The following PES1 variants were observed in gnomAD, a reference collection of about 807,000 sequenced individuals.
The protein encoded by PES1 is pescadillo ribosomal biogenesis factor 1, also known as pescadillo homolog.
A neutral mutation model predicts 77.1 loss-of-function variants in PES1; 31 were observed. The ratio of observed to expected loss-of-function variants is 0.40; its 90% CI spans 0.30 to 0.54. The LOEUF (loss-of-function observed/expected upper bound fraction) is 0.54. Ranked by LOEUF, PES1 falls within the 20% of genes least tolerant of loss-of-function variation. PES1 has a pLI of 0.45. For missense variants in PES1, 658 were observed against 771.7 expected, an observed-to-expected ratio of 0.85 and a Z score of 1.75; for synonymous variants, 282 against 303.0, an observed-to-expected ratio of 0.93 and a Z score of 0.72.
chr22:30,604,537 G>A (rs1418260521), intron 2 of PES1, among the ~76,000 whole-genome samples: 3 of 152,136 alleles, frequency 2.0e-5, no homozygotes, highest in Non-Finnish European at 2.9e-5. Flanking sequence ...AGAGGTTGAG[G>A]CAGGAGAATC....
chr22:30,593,439 A>G (rs543605651), upstream of PES1, among the ~76,000 whole-genome samples: 27 of 152,076 alleles, frequency 1.8e-4, no homozygotes, highest in South Asian at 5.0e-3. Context: ...GTGAGCCAAG[A>G]TTGTGCCACT....
intron 12 of PES1, 120 bp downstream of exon 12, chr22:30,579,631 T>G: frequency 1.1e-6 from 1 of 926,324 alleles, no homozygotes; most frequent in Non-Finnish European, 1.7e-6. Flanking sequence ...ATTCTACAGG[T>G]GACTTCAAAG....
At chr22:30,606,404 G>GT (rs1052941546) in intron 1 of PES1, among the ~76,000 whole-genome samples, 2 of 151,912 alleles carry the variant, frequency 1.3e-5, no homozygotes, top group African/African-American at 4.8e-5. Flanking sequence ...CTAATTTATG[G>GT]TTTTTTGTAT....
chr22:30,605,417 G>A (rs2087424039), intron 2 of PES1: 1 of 980,384 alleles, frequency 1.0e-6, no homozygotes, highest in Non-Finnish European at 1.2e-6. Context: ...TAACTACCTT[G>A]GGGATCAGAA....
upstream of PES1, chr22:30,591,945 GTGCGGGC>G: frequency 6.9e-7 from 1 of 1,448,782 alleles, no homozygotes; most frequent in Non-Finnish European, 9.1e-7. Context: ...CTGTCTGTTT[GTGCGGGC>G]TGCCCAATGA....
chr22:30,578,390 A>G (rs1328073497), intron 14 of PES1, among the ~76,000 whole-genome samples: 1 of 152,202 alleles, frequency 6.6e-6, no homozygotes, highest in Non-Finnish European at 1.5e-5. Context: ...CTCTATTCCA[A>G]GGGCAGGGCT....
At chr22:30,581,160 G>GT in intron 8 of PES1, 59 bp from the exon 9 acceptor site, 1 of 1,459,448 alleles carries the variant, frequency 6.9e-7, no homozygotes, top group Middle Eastern at 2.3e-4. Context: ...TGTGGCCAGG[G>GT]TGGGGAGGGG....
Position 30,581,022 on chromosome 22 carries a change from G to A in PES1, c.902C>T (p.Pro301Leu). ...TEEEAEVDEFPTDGEMSAQEE... is the reference protein window; with the variant it reads ...TEEEAEVDEFLTDGEMSAQEE... Reference sequence around the variant, plus strand: ...CAGTGCAGTGCTCACCCCATCGGTGGGAAACTCATCCACCTCGGCCTCCTC... The same window carrying A: ...CAGTGCAGTGCTCACCCCATCGGTGAGAAACTCATCCACCTCGGCCTCCTC... The change falls in exon 9 of 15, where the codon CCC becomes CTC. Residue 301 changes from proline (P) to leucine (L), a missense_variant. Pro to Leu is a moderately conservative substitution (Grantham distance 98, BLOSUM62 -3). Transcript: ENST00000354694. 1 of 1,612,560 alleles carries A rather than the reference G, an allele frequency of 6.2e-7. No individual in the cohort carries two copies. The highest frequency in any genetic ancestry group is 1.1e-5 in the South Asian group (1 of 90,960).
At chr22:30,593,255 G>A (rs1307686820), upstream of PES1, among the ~76,000 whole-genome samples, 1 of 152,196 alleles carries the variant, frequency 6.6e-6, no homozygotes, top group Non-Finnish European at 1.5e-5. Context: ...GAGAGGCTGA[G>A]GCAGGCGGAT....
rs566257764 is a variant in PES1, at chr22:30,600,425, G to A, written c.-661+5036C>T. Among the ~76,000 whole-genome samples, 10 of 152,290 alleles carry A rather than the reference G, an allele frequency of 6.6e-5. 1 individual carries two copies. The South Asian group carries it at 1.7e-3, about 25-fold the overall frequency. ...TGGCCAGGCGTGGTGGTTCACACCT[G>A]TAATCCCAACACTTTGGGAAGCTGA... On this transcript the variant is annotated intron_variant, in intron 2 of 16. Coordinates refer to the PES1 transcript ENST00000402281.
At chr22:30,590,857 T>G (rs1286292593) in intron 1 of PES1, among the ~76,000 whole-genome samples, 1 of 152,208 alleles carries the variant, frequency 6.6e-6, no homozygotes, top group Non-Finnish European at 1.5e-5. Flanking sequence ...CTGTAACGAT[T>G]TTGTTACATA....
In PES1 at chr22:30,581,510, A is replaced by T. The variant is rs1054728837; in HGVS notation, c.747+18T>A. ...GGCCCCTGCACGGCGAGCAGAAGGC[A>T]CTGGGCTGGGGTCCTACCTTCGGGG... On this transcript the variant is annotated intron_variant, in intron 7 of 14. Transcript: ENST00000354694. 1.9e-6 allele frequency: 3 copies of T among 1,609,216 alleles called. No homozygotes were observed. The African/African-American group carries it at 4.0e-5, about 22-fold the overall frequency.
At chr22:30,578,498 CAGAT>C (rs1263702872) in intron 14 of PES1, among the ~76,000 whole-genome samples, 3 of 152,160 alleles carry the variant, frequency 2.0e-5, no homozygotes, top group African/African-American at 7.2e-5. Context: ...AAATACAAAA[CAGAT>C]AGAAGTTTAA....
upstream of PES1, among the ~76,000 whole-genome samples, chr22:30,592,921 C>T (rs537560577): frequency 4.6e-5 from 7 of 152,124 alleles, no homozygotes; most frequent in Admixed American, 1.3e-4. Context: ...AGTCACATCA[C>T]CTTGAGATGG....
intron 2 of PES1, among the ~76,000 whole-genome samples, chr22:30,603,358 C>G (rs548225077): frequency 2.8e-4 from 43 of 151,922 alleles, no homozygotes; most frequent in Non-Finnish European, 5.2e-4. Flanking sequence ...TCCTCCTTTT[C>G]TTTCTTTCTG....
chr22:30,579,747 T>A lies in PES1; in HGVS notation c.1354+4A>T, dbSNP rs2086952940. The stretch of plus-strand genomic sequence containing the variant: ...CAAGGCCAGCCCAGTCCCATCCCGC[T>A]CACCTGGGTCCTCTCCCCGCTGCAG... On this transcript the variant is annotated splice_donor_region_variant and intron_variant, in intron 12 of 14. Transcript: ENST00000354694. 1 of 1,613,524 alleles carries A rather than the reference T, an allele frequency of 6.2e-7. No homozygotes were observed. The highest frequency in any genetic ancestry group is 1.3e-5 in the African/African-American group (1 of 75,030).
At chr22:30,591,934 G>A (rs978651659), upstream of PES1, 39 of 1,461,928 alleles carry the variant, frequency 2.7e-5, no homozygotes, top group Non-Finnish European at 3.5e-5. Flanking sequence ...CCCACCCCAC[G>A]CTGTCTGTTT....
chr22:30,601,717 C>G (rs1017475958), intron 2 of PES1: 2 of 151,730 alleles, frequency 1.3e-5, no homozygotes, highest in Admixed American at 6.6e-5. Flanking sequence ...TTTATGCATT[C>G]ATTGAAGGAT....
intron 4 of PES1, among the ~76,000 whole-genome samples, chr22:30,585,827 T>C (rs1385883167): frequency 6.6e-6 from 1 of 151,840 alleles, no homozygotes; most frequent in Non-Finnish European, 1.5e-5. Context: ...CCAGATAGCA[T>C]CACTCACTGC....
Sources: gnomAD v4.1 joint callset for allele counts (sites outside exome capture counted in the v4.1 genomes callset) on GRCh38, gnomAD v4.1.1 for gene constraint, MANE v1.5 for transcripts, NCBI Gene and HGNC (gene_info 2026-07-23, HGNC 2026-07-21) for gene names.